Variants in CFAP44 observed in about 807,000 individuals in gnomAD.
CFAP44 encodes cilia- and flagella-associated protein 44.
In CFAP44, 134 loss-of-function variants were observed where a neutral mutation model predicts 216.2. The observed-to-expected ratio is 0.62, with a 90% CI of 0.54 to 0.72. The LOEUF is 0.72. CFAP44 is among the 30% of genes least tolerant of loss of function. The pLI, the probability that CFAP44 is intolerant of heterozygous loss-of-function variation, is 0.00. For synonymous variants in CFAP44, 700 were observed against 727.6 expected (o/e 0.96, Z 0.61); for missense variants, 2,035 against 2,182.1 (o/e 0.93, Z 1.34).
chr3:113,347,660 C>T (rs965272078), intron 22 of CFAP44, among the ~76,000 whole-genome samples: 3 of 152,148 alleles, frequency 2.0e-5, no homozygotes, highest in African/African-American at 7.2e-5. Flanking sequence ...CTTCCTCAGA[C>T]AAGCGGGCCT....
chr3:113,377,506 T>C (rs1053054919), intron 17 of CFAP44, among the ~76,000 whole-genome samples: 1 of 152,138 alleles, frequency 6.6e-6, no homozygotes, highest in Admixed American at 6.5e-5. Flanking sequence ...GGTTTCTTCA[T>C]ATATAAAATG....
At position 113,400,624 on chromosome 3, in the gene CFAP44, G is replaced by A; in HGVS notation, c.1395C>T (p.Leu465=). 6.2e-7 allele frequency: 1 copy of A among 1,610,710 alleles called. No homozygotes were observed. Among genetic ancestry groups the A allele is most frequent in the Non-Finnish European group, 8.5e-7 (1 of 1,178,442 alleles). The change falls in exon 12 of 35, where the codon CTC becomes CTT. Residue 465 remains leucine (L), a synonymous_variant. Transcript: ENST00000393845. ...CAATAGCTCCAGAATGGAAGGAGAA[G>A]AGGCATTCTGGGTCCTGGGTCTGAG... The part of the protein sequence containing the change: ...FSNITQDPEC[L]FSFHSGAIEA...
rs767263825 is a variant in CFAP44, at chr3:113,294,465, G to T, written c.5373+222C>A. 9 of 502,532 alleles carry T rather than the reference G, an allele frequency of 1.8e-5. No individual in the cohort carries two copies. In the South Asian group the frequency reaches 2.4e-4, roughly 13 times the overall value. 31.1% of individuals were successfully genotyped at this position (502,532 alleles called of 1,614,324 possible). On this transcript the variant is annotated intron_variant, in intron 34 of 34. Transcript: ENST00000393845. The stretch of plus-strand genomic sequence containing the variant: ...GGCAATTCTATTGATTAGTACTTAC[G>T]TGAGTTCATGGCACCCAAGAGGCGT...
At chr3:113,376,740 T>A (rs1272268213) in intron 17 of CFAP44, among the ~76,000 whole-genome samples, 1 of 152,152 alleles carries the variant, frequency 6.6e-6, no homozygotes, top group Admixed American at 6.5e-5. Context: ...AGCCAATGAT[T>A]ACAGATGATT....
At chr3:113,293,203 C>G (rs1257150633) in intron 34 of CFAP44, among the ~76,000 whole-genome samples, 1 of 152,212 alleles carries the variant, frequency 6.6e-6, no homozygotes, top group South Asian at 2.1e-4. Context: ...TTCCCCTTCT[C>G]CTCACCAGAC....
chr3:113,427,935 A>C (rs568375810), intron 2 of CFAP44, among the ~76,000 whole-genome samples: 2 of 152,252 alleles, frequency 1.3e-5, no homozygotes, highest in South Asian at 4.1e-4. Flanking sequence ...ATAAGGAAGA[A>C]ATGGCAAATG....
rs537758915 is a variant in CFAP44 at position 113,427,339 on chromosome 3, G to A, written c.101C>T (p.Ser34Phe). ...SLRSSKSESR[S>F]PVQEDNTFLE... ...AAATGTGTTATCTTCTTGAACAGGA[G>A]CTATTAAAATTTGTTTTAATAACTT... The change falls in exon 3 of 35, where the codon TCT (serine) becomes TTT (phenylalanine). Residue 34 changes from serine (S) to phenylalanine (F), a missense_variant and splice_region_variant. Coordinates refer to ENST00000393845, the MANE Select transcript of CFAP44 (RefSeq NM_001164496.2). The A allele has an allele frequency of 5.0e-6, 8 of 1,585,332 alleles. No individual in the cohort carries two copies. The East Asian group carries it at 1.1e-4, about 22-fold the overall frequency.
At chr3:113,348,442 AC>A (rs1399745568) in intron 22 of CFAP44, among the ~76,000 whole-genome samples, 1 of 152,168 alleles carries the variant, frequency 6.6e-6, no homozygotes, top group African/African-American at 2.4e-5. Context: ...CTGCAGCTTG[AC>A]CTTTTCTGTA....
chr3:113,375,064 A>C (rs1933297343), intron 17 of CFAP44, among the ~76,000 whole-genome samples: 1 of 152,230 alleles, frequency 6.6e-6, no homozygotes, highest in South Asian at 2.1e-4. Flanking sequence ...AAATTATCCC[A>C]AGTGAAACAA....
At chr3:113,426,699 CA>C in intron 3 of CFAP44, 1 of 186,782 alleles carries the variant, frequency 5.4e-6, no homozygotes, top group Non-Finnish European at 1.1e-5. Context: ...CTGGTGAATC[CA>C]AAATTGTATT....
intron 22 of CFAP44, among the ~76,000 whole-genome samples, chr3:113,352,066 G>T (rs1217478471): frequency 6.6e-6 from 1 of 152,146 alleles, no homozygotes; most frequent in Non-Finnish European, 1.5e-5. Flanking sequence ...TTTAGAGGGG[G>T]GATTGAGAGG....
chr3:113,390,786 C>T (rs1238088993), intron 15 of CFAP44, among the ~76,000 whole-genome samples: 1 of 151,746 alleles, frequency 6.6e-6, no homozygotes, highest in Non-Finnish European at 1.5e-5. Flanking sequence ...TTAACTTAAC[C>T]AAAGAAGTGA....
At chr3:113,344,440 A>C in intron 23 of CFAP44, 76 bp downstream of exon 23, 1 of 1,300,138 alleles carries the variant, frequency 7.7e-7, no homozygotes, top group Non-Finnish European at 1.1e-6. Context: ...AGAAGGTTCA[A>C]TGGTTCTGTC....
chr3:113,421,838 G>C (rs1480535854), intron 4 of CFAP44, among the ~76,000 whole-genome samples: 1 of 148,004 alleles, frequency 6.8e-6, no homozygotes, highest in Non-Finnish European at 1.5e-5. Flanking sequence ...ATTCCAAAGG[G>C]AGGGAGGGAG....
chr3:113,320,590 AGATG>A (rs1479593624), intron 28 of CFAP44, among the ~76,000 whole-genome samples: 1 of 149,980 alleles, frequency 6.7e-6, no homozygotes, highest in African/African-American at 2.4e-5. Flanking sequence ...ATATATATCT[AGATG>A]TATATTATTA....
At chr3:113,294,524 G>T in intron 34 of CFAP44, 163 bp downstream of exon 34, 1 of 873,242 alleles carries the variant, frequency 1.1e-6, no homozygotes, top group Non-Finnish European at 1.6e-6. Context: ...CCACTGTAAT[G>T]TGGCTAACAC....
At chr3:113,376,607 T>C (rs1933351991) in intron 17 of CFAP44, among the ~76,000 whole-genome samples, 1 of 152,202 alleles carries the variant, frequency 6.6e-6, no homozygotes, top group African/African-American at 2.4e-5. Flanking sequence ...GGGTCAACTC[T>C]GTTAAATGTT....
intron 13 of CFAP44, among the ~76,000 whole-genome samples, chr3:113,399,138 C>CTT (rs1271606045): frequency 6.6e-6 from 1 of 152,148 alleles, no homozygotes; most frequent in African/African-American, 2.4e-5. Context: ...GCAGTCCCAG[C>CTT]TTAGCCTAGC....
At chr3:113,331,229 C>G (rs1559913902) in intron 25 of CFAP44, among the ~76,000 whole-genome samples, 1 of 152,112 alleles carries the variant, frequency 6.6e-6, no homozygotes, top group Admixed American at 6.5e-5. Context: ...CAGGATCCTT[C>G]CTTCATTCCT....
Sources: allele counts gnomAD v4.1 joint callset (sites outside exome capture counted in the v4.1 genomes callset), GRCh38; gene constraint gnomAD v4.1.1; transcripts MANE v1.5; gene names NCBI Gene and HGNC (gene_info 2026-07-23, HGNC 2026-07-21).